The following DLG2 variants were observed in gnomAD, a reference collection of about 807,000 sequenced individuals.
DLG2 encodes disks large homolog 2.
Under a neutral mutation model 132.5 loss-of-function variants are expected in DLG2, and 45 were observed. The observed-to-expected ratio is 0.34, with a 90% CI of 0.27 to 0.44. The LOEUF (loss-of-function observed/expected upper bound fraction) is 0.44, where lower values mean the gene tolerates loss of function less well. Ranked by LOEUF, DLG2 falls within the 20% of genes least tolerant of loss-of-function variation. The pLI is 1.00. For missense variants in DLG2, 1,045 were observed against 1,196.9 expected (o/e 0.87, Z 1.87); for synonymous variants, 424 against 419.6 (o/e 1.01, Z -0.13).
intron 11 of DLG2, among the ~76,000 whole-genome samples, chr11:84,024,759 TGAG>T (rs1289606874): frequency 2.6e-5 from 4 of 151,476 alleles, no homozygotes; most frequent in Non-Finnish European, 2.9e-5. Flanking sequence ...GTGAGGAGAA[TGAG>T]GAGATGATGG....
At chr11:83,960,776 A>G (rs2088473982) in intron 14 of DLG2, among the ~76,000 whole-genome samples, 1 of 152,016 alleles carries the variant, frequency 6.6e-6, no homozygotes, top group Admixed American at 6.6e-5. Flanking sequence ...CCTCTGAGCA[A>G]ATACCTCTGA....
At chr11:84,295,518 A>G (rs1374515774) in intron 7 of DLG2, among the ~76,000 whole-genome samples, 1 of 152,158 alleles carries the variant, frequency 6.6e-6, no homozygotes, top group East Asian at 1.9e-4. Context: ...TCTTCTGAGC[A>G]CCATAATCCA....
rs2077465018 is a variant in DLG2 at position 85,154,418 on chromosome 11, T to C, written c.282+138A>G. On this transcript the variant is annotated intron_variant, in intron 5 of 27. Coordinates refer to ENST00000376104, the MANE Select transcript of DLG2 (RefSeq NM_001142699.3). Reference sequence around the variant, plus strand: ...TCAGCTCAGAAGCCTGAGAACCCAATATGCTGACCAGGCCAAAGCTAGAAA... The same window carrying C: ...TCAGCTCAGAAGCCTGAGAACCCAACATGCTGACCAGGCCAAAGCTAGAAA... 1.4e-5 allele frequency: 7 copies of C among 498,686 alleles called. No homozygotes were observed. In the South Asian group the frequency reaches 2.9e-4, roughly 20 times the overall value. The allele number at this position is 498,686 out of a possible 1,614,324, so 30.9% of individuals were successfully genotyped here.
chr11:84,985,988 T>C (rs1323482204), intron 6 of DLG2, among the ~76,000 whole-genome samples: 2 of 33,068 alleles, frequency 6.0e-5, no homozygotes, highest in Non-Finnish European at 1.0e-4. Context: ...CAAGACTCCG[T>C]CTCAAAAAAA....
chr11:84,030,488 A>G (rs2095661719), intron 11 of DLG2, among the ~76,000 whole-genome samples: 2 of 152,148 alleles, frequency 1.3e-5, no homozygotes, highest in Non-Finnish European at 2.9e-5. Context: ...CCTCCAACAC[A>G]TACCTTTATG....
chr11:84,714,578 TCTC>T, intron 6 of DLG2, among the ~76,000 whole-genome samples: 1 of 131,090 alleles, frequency 7.6e-6, no homozygotes, highest in South Asian at 2.4e-4. Flanking sequence ...TCTTTCTCTT[TCTC>T]TTTCTCTTTC....
At chr11:84,269,143 A>G (rs563101731) in intron 7 of DLG2, among the ~76,000 whole-genome samples, 187 of 152,290 alleles carry the variant, frequency 1.2e-3, no homozygotes, top group African/African-American at 4.2e-3. Flanking sequence ...CTTGCATAGG[A>G]TAGTATTCAA....
At chr11:83,562,166 C>T (rs142394895) in intron 19 of DLG2, among the ~76,000 whole-genome samples, 2,564 of 152,080 alleles carry the variant, frequency 0.017, 73 homozygotes, top group African/African-American at 0.058. Flanking sequence ...GGATTACATG[C>T]GTGAGCCACC....
intron 6 of DLG2, among the ~76,000 whole-genome samples, chr11:84,993,392 T>C (rs2057329686): frequency 1.3e-5 from 2 of 152,130 alleles, no homozygotes; most frequent in African/African-American, 2.4e-5. Flanking sequence ...AAGATAGGTA[T>C]AGTAATAGCC....
intron 5 of DLG2, among the ~76,000 whole-genome samples, chr11:85,142,517 A>G (rs1233960778): frequency 6.6e-6 from 1 of 151,780 alleles, no homozygotes; most frequent in Non-Finnish European, 1.5e-5. Flanking sequence ...GAACAAGAAT[A>G]ATTTGACTTC....
chr11:84,290,998 A>G (rs769927229), intron 7 of DLG2, among the ~76,000 whole-genome samples: 4 of 152,192 alleles, frequency 2.6e-5, no homozygotes, highest in Non-Finnish European at 5.9e-5. Flanking sequence ...AAAAATGCAC[A>G]TCTAGCAATT....
rs374362703 is a variant in DLG2, at chr11:84,143,878, C to T, written c.624+19583G>A. Among the ~76,000 whole-genome samples, 13 of 152,008 alleles carry T rather than the reference C, an allele frequency of 8.6e-5. No homozygotes were observed. In the East Asian group the frequency reaches 1.2e-3, roughly 14 times the overall value. On this transcript the variant is annotated intron_variant, in intron 9 of 27. Transcript: ENST00000376104. ...TTTTGTTTTCAAAACCTAATAAACA[C>T]GTTAGAAAATTAAAGGGTTTGGGGA...
chr11:85,201,550 G>A (rs1359534194), intron 4 of DLG2, among the ~76,000 whole-genome samples: 1 of 152,160 alleles, frequency 6.6e-6, no homozygotes, highest in African/African-American at 2.4e-5. Context: ...TTTAGTACTG[G>A]GGTAGCTGTA....
At chr11:85,031,667 T>C (rs1219746179) in intron 6 of DLG2, among the ~76,000 whole-genome samples, 1 of 152,204 alleles carries the variant, frequency 6.6e-6, no homozygotes, top group Non-Finnish European at 1.5e-5. Context: ...CTCTATCAAC[T>C]GTTTACTATT....
At chr11:85,091,241 C>T (rs2068722381) in intron 6 of DLG2, among the ~76,000 whole-genome samples, 1 of 152,176 alleles carries the variant, frequency 6.6e-6, no homozygotes, top group South Asian at 2.1e-4. Context: ...ATTAAGTGTG[C>T]AATAGCATTA....
chr11:84,650,863 G>GTATATA (rs1417830252), intron 6 of DLG2, among the ~76,000 whole-genome samples: 2,472 of 90,862 alleles, frequency 0.027, 26 homozygotes, highest in South Asian at 0.057. Flanking sequence ...GTGTGTGTGT[G>GTATATA]TGTGTGTGTG....
At chr11:85,079,204 A>G (rs1203859516) in intron 6 of DLG2, among the ~76,000 whole-genome samples, 1 of 152,104 alleles carries the variant, frequency 6.6e-6, no homozygotes. Context: ...CATCAGTAGA[A>G]GGGAGTGTCT....
At chr11:85,622,823 G>A (rs926946522) in intron 2 of DLG2, among the ~76,000 whole-genome samples, 2 of 152,138 alleles carry the variant, frequency 1.3e-5, no homozygotes, top group African/African-American at 4.8e-5. Context: ...ACTTTGGGAG[G>A]CCAAGGTGGG....
intron 7 of DLG2, among the ~76,000 whole-genome samples, chr11:84,363,867 A>G (rs2098665905): frequency 6.6e-6 from 1 of 151,932 alleles, no homozygotes; most frequent in African/African-American, 2.4e-5. Flanking sequence ...TCCATGATCT[A>G]TATCTCTGTT....
Sources: allele counts gnomAD v4.1 joint callset (sites outside exome capture counted in the v4.1 genomes callset), GRCh38; gene constraint gnomAD v4.1.1; transcripts MANE v1.5; gene names NCBI Gene and HGNC (gene_info 2026-07-23, HGNC 2026-07-21).